The following FTO variants were observed in gnomAD, a reference collection of about 807,000 sequenced individuals.
FTO encodes alpha-ketoglutarate-dependent dioxygenase FTO.
FTO carries 47 observed loss-of-function variants against 63.9 expected under a neutral mutation model. That is an observed-to-expected ratio of 0.74 (90% CI 0.58 to 0.94). The LOEUF (loss-of-function observed/expected upper bound fraction) is 0.94, where lower values mean the gene tolerates loss of function less well. Among genes scored for constraint, FTO ranks in the 40% least tolerant of loss-of-function variants. FTO has a pLI of 0.00. For synonymous variants in FTO, 207 were observed against 224.4 expected (o/e 0.92, Z 0.69); for missense variants, 562 against 618.1 (o/e 0.91, Z 0.96).
chr16:53,714,344 T>C (rs1006974592), intron 1 of FTO, among the ~76,000 whole-genome samples: 1 of 152,224 alleles, frequency 6.6e-6, no homozygotes, highest in Admixed American at 6.5e-5. Flanking sequence ...TGGGCTGATG[T>C]TGCAACCTTA....
intron 8 of FTO, among the ~76,000 whole-genome samples, chr16:53,978,413 T>G (rs1237649119): frequency 6.6e-6 from 1 of 152,234 alleles, no homozygotes; most frequent in Non-Finnish European, 1.5e-5. Flanking sequence ...ATGAAGAGAT[T>G]AAACTGGATA....
At chr16:53,798,633 G>A (rs2078142193) in intron 1 of FTO, among the ~76,000 whole-genome samples, 1 of 152,100 alleles carries the variant, frequency 6.6e-6, no homozygotes, top group Admixed American at 6.6e-5. Context: ...TTATTTATTA[G>A]CTCTAATAGC....
At chr16:54,100,464 C>T (rs1269764409) in intron 8 of FTO, among the ~76,000 whole-genome samples, 1 of 152,052 alleles carries the variant, frequency 6.6e-6, no homozygotes, top group Admixed American at 6.6e-5. Flanking sequence ...GTGATCCTCC[C>T]ACCTCAGCCT....
intron 8 of FTO, among the ~76,000 whole-genome samples, chr16:53,962,228 G>C (rs1344057026): frequency 1.3e-5 from 2 of 152,158 alleles, no homozygotes; most frequent in Admixed American, 1.3e-4. Context: ...GTCAGAGCTC[G>C]TGGTGAAGGC....
intron 8 of FTO, chr16:53,992,222 G>A (rs1183313723): frequency 6.6e-6 from 1 of 152,182 alleles, no homozygotes; most frequent in African/African-American, 2.4e-5. Context: ...GTGCCTGGTG[G>A]GGACTAATCT....
At chr16:54,096,451 TA>T (rs2086518336) in intron 8 of FTO, among the ~76,000 whole-genome samples, 1 of 152,204 alleles carries the variant, frequency 6.6e-6, no homozygotes, top group Non-Finnish European at 1.5e-5. Context: ...GCTCCTGTCA[TA>T]AAACATCCAT....
intron 4 of FTO, among the ~76,000 whole-genome samples, chr16:53,870,267 A>G (rs979780644): frequency 2.0e-5 from 3 of 152,168 alleles, no homozygotes; most frequent in South Asian, 2.1e-4. Flanking sequence ...TCCTTCTGCC[A>G]GAAGCATGAG....
chr16:53,708,579 C>T (rs1196847023), intron 1 of FTO, among the ~76,000 whole-genome samples: 1 of 152,186 alleles, frequency 6.6e-6, no homozygotes, highest in East Asian at 1.9e-4. Flanking sequence ...CTATGTTTAA[C>T]ATTTTAAGAA....
intron 2 of FTO, among the ~76,000 whole-genome samples, chr16:53,818,672 G>C (rs1311294284): frequency 6.9e-6 from 1 of 145,744 alleles, no homozygotes; most frequent in Non-Finnish European, 1.5e-5. Flanking sequence ...TTTTTTCTGT[G>C]AGCTTTTACA....
At chr16:53,730,158 T>C (rs1379428128) in intron 1 of FTO, among the ~76,000 whole-genome samples, 1 of 152,184 alleles carries the variant, frequency 6.6e-6, no homozygotes, top group East Asian at 1.9e-4. Context: ...ATAGAGAGAC[T>C]TCTTTCCTTA....
intron 8 of FTO, among the ~76,000 whole-genome samples, chr16:54,011,343 C>A (rs2084329645): frequency 6.6e-6 from 1 of 152,228 alleles, no homozygotes; most frequent in Middle Eastern, 3.4e-3. Flanking sequence ...ATATATCAAC[C>A]CACTTTCAAT....
chr16:53,714,834 T>C (rs1326146701), intron 1 of FTO, among the ~76,000 whole-genome samples: 1 of 152,120 alleles, frequency 6.6e-6, no homozygotes, highest in Non-Finnish European at 1.5e-5. Context: ...GAGGAAAGGA[T>C]GAGTAGCCAG....
At position 53,732,140 on chromosome 16, in the gene FTO, C is replaced by T. The variant is rs571799129; in HGVS notation, c.45+27911C>T. 3.1e-3 allele frequency among the ~76,000 whole-genome samples: 465 copies of T among 150,832 alleles called. 2 individuals carry two copies. Among genetic ancestry groups the T allele is most frequent in the Non-Finnish European group, 4.8e-3 (326 of 67,878 alleles). ...CCCGGCTCACTGCAAGCTCTGCCTCCGGGCTTCATGCCATTCTCCTGCCTC... is the reference window on the plus strand; with the variant it reads ...CCCGGCTCACTGCAAGCTCTGCCTCTGGGCTTCATGCCATTCTCCTGCCTC... On this transcript the variant is annotated intron_variant, in intron 1 of 8. Transcript: ENST00000471389.
rs2079392741 is a variant in FTO at position 53,839,199 on chromosome 16, ATCT to A, written c.752-4952_752-4950del. ...TTAACAGTCTTTTGTATGTTGTCAC[ATCT>A]TCTACTTATTTAACAGTTTGGTTAG... On this transcript the variant is annotated intron_variant, in intron 3 of 8. Transcript: ENST00000471389. Among the ~76,000 whole-genome samples the A allele has an allele frequency of 9.8e-5, 15 of 152,328 alleles. No individual in the cohort carries two copies. In the South Asian group the frequency reaches 1.9e-3, roughly 19 times the overall value.
intron 8 of FTO, among the ~76,000 whole-genome samples, chr16:54,001,190 G>A (rs1270095087): frequency 6.6e-6 from 1 of 152,186 alleles, no homozygotes; most frequent in Non-Finnish European, 1.5e-5. Context: ...TGATTTCAGT[G>A]AATTGCATTA....
intron 7 of FTO, among the ~76,000 whole-genome samples, chr16:53,931,298 CTT>C (rs869204000): frequency 0.3 from 30,034 of 100,848 alleles, 3,868 homozygotes; most frequent in Middle Eastern, 0.41. Flanking sequence ...AACTATGTGA[CTT>C]TTTTTTTTTT....
At chr16:53,841,688 TAC>T (rs2079482493) in intron 3 of FTO, among the ~76,000 whole-genome samples, 1 of 152,196 alleles carries the variant, frequency 6.6e-6, no homozygotes, top group Non-Finnish European at 1.5e-5. Flanking sequence ...GGCGGTAGAG[TAC>T]GACATTCAGA....
chr16:54,095,047 T>C (rs915943882), intron 8 of FTO, among the ~76,000 whole-genome samples: 6 of 152,116 alleles, frequency 3.9e-5, no homozygotes, highest in Non-Finnish European at 7.4e-5. Context: ...CCCCTTGCTG[T>C]CCCCTGGGCA....
At chr16:54,049,878 T>G (rs1009706741) in intron 8 of FTO, among the ~76,000 whole-genome samples, 2 of 152,208 alleles carry the variant, frequency 1.3e-5, no homozygotes, top group African/African-American at 4.8e-5. Flanking sequence ...GGCTTTGCAT[T>G]CTGCTGGCTC....
Sources: allele counts gnomAD v4.1 joint callset (sites outside exome capture counted in the v4.1 genomes callset), GRCh38; gene constraint gnomAD v4.1.1; transcripts MANE v1.5; gene names NCBI Gene and HGNC (gene_info 2026-07-23, HGNC 2026-07-21).